CAND1: variants seen among roughly 807,000 people sequenced by gnomAD.
CAND1 encodes cullin-associated NEDD8-dissociated protein 1.
A neutral mutation model predicts 108.5 loss-of-function variants in CAND1; 7 were observed. That is an observed-to-expected ratio of 0.06 (90% confidence interval 0.04 to 0.12). The LOEUF (loss-of-function observed/expected upper bound fraction) is 0.12. Among genes scored for constraint, CAND1 ranks in the 10% least tolerant of loss-of-function variants. CAND1 has a pLI of 1.00. For synonymous variants in CAND1, 534 were observed against 512.0 expected (o/e 1.04, Z -0.58); for missense variants, 941 against 1,448.7 (o/e 0.65, Z 5.69).
Position 67,269,600 on chromosome 12 carries a change from C to T in CAND1, c.-118C>T. 7 of 829,818 alleles carry T rather than the reference C, an allele frequency of 8.4e-6. No individual in the cohort carries two copies. The South Asian group carries it at 9.8e-5, about 12-fold the overall frequency. 51.4% of individuals were successfully genotyped at this position (829,818 alleles called of 1,614,324 possible). A position where few individuals can be genotyped will look rare whatever the true frequency, so the allele number is the denominator to read the frequency against. ...AGTCAGCGTCGGCGTCGCGCTGCGA[C>T]CCTGGAAGCGGGAGCCGCCGCGAGC... On this transcript the variant is annotated 5_prime_UTR_variant, in exon 1 of 15. Transcript: ENST00000545606.
At chr12:67,297,318 T>G (rs749418936) in intron 4 of CAND1, 89 bp from the exon 5 acceptor site, 4 of 1,188,770 alleles carry the variant, frequency 3.4e-6, no homozygotes, top group Non-Finnish European at 1.2e-6. Context: ...TCTGAATATT[T>G]GCATTGAGGT....
chr12:67,309,657 C>T (rs1270483339), intron 11 of CAND1, among the ~76,000 whole-genome samples: 1 of 151,876 alleles, frequency 6.6e-6, no homozygotes, highest in Non-Finnish European at 1.5e-5. Context: ...ATACCCTCTG[C>T]ATTATAAGTG....
At position 67,318,847 on chromosome 12, in the gene CAND1, A is replaced by T. The variant is rs531077815; in HGVS notation, c.*6017A>T. On this transcript the variant is annotated 3_prime_UTR_variant, in exon 15 of 15. Coordinates refer to ENST00000545606, the MANE Select transcript of CAND1 (RefSeq NM_018448.5). Reference sequence around the variant, plus strand: ...TATACACGGGATACTGGGGGTTAATAATTGAGGGTATGGTCCATTCAACAT... The same window carrying T: ...TATACACGGGATACTGGGGGTTAATTATTGAGGGTATGGTCCATTCAACAT... 21 of 152,338 alleles carry T rather than the reference A, an allele frequency of 1.4e-4. No homozygotes were observed. The highest frequency in any genetic ancestry group is 2.2e-4 in the Non-Finnish European group (15 of 68,046). 9.4% of individuals were successfully genotyped at this position (152,338 alleles called of 1,614,324 possible).
Position 67,316,725 on chromosome 12 carries a change from A to G in CAND1, c.*3895A>G, listed in dbSNP as rs762672762. On this transcript the variant is annotated 3_prime_UTR_variant, in exon 15 of 15. Transcript: ENST00000545606. ...TTTGCTGAGGTCTTAGAAGACAGAA[A>G]GCTTATGCTATGTAAAGTGACATTG... 1 of 152,242 alleles carries G rather than the reference A, an allele frequency of 6.6e-6. No homozygotes were observed. Among genetic ancestry groups the G allele is most frequent in the African/African-American group, 2.4e-5 (1 of 41,464 alleles). The allele number at this position is 152,242 out of a possible 1,614,324, so 9.4% of individuals were successfully genotyped here. A position where few individuals can be genotyped will look rare whatever the true frequency, so the allele number is the denominator to read the frequency against.
At chr12:67,301,892 T>C (rs1426764858) in intron 7 of CAND1, among the ~76,000 whole-genome samples, 1 of 152,200 alleles carries the variant, frequency 6.6e-6, no homozygotes, top group Non-Finnish European at 1.5e-5. Context: ...ATCCATTTCA[T>C]GGTTTGTCTT....
In CAND1 at chr12:67,299,003, A is replaced by T; in HGVS notation, c.908A>T (p.Lys303Ile). Residue 303 changes from lysine (K) to isoleucine (I), a missense_variant, in exon 7 of 15, where the codon AAA becomes ATA. By Grantham distance (102) the Lys-to-Ile change is moderately radical (BLOSUM62 -3). Transcript: ENST00000545606. ...TCTACCATTATAAATATTTGTCTTA[A>T]ATATCTTACCTATGATCCAAATTAT... is the stretch of plus-strand genomic sequence containing the variant. ...HVSTIINICL[K>I]YLTYDPNYNY... 1 of 1,518,876 alleles carries T rather than the reference A, an allele frequency of 6.6e-7. No individual in the cohort carries two copies. The highest frequency in any genetic ancestry group is 9.1e-7 in the Non-Finnish European group (1 of 1,095,276). 94.1% of individuals were successfully genotyped at this position (1,518,876 alleles called of 1,614,324 possible).
rs2136027586 is a variant in CAND1, at chr12:67,316,079, A to G, written c.*3249A>G. ...AATTAAAGACCTTAAACATTTCAGC[A>G]AGTAAATTTTGGATTCTAGCTCTGT... On this transcript the variant is annotated 3_prime_UTR_variant, in exon 15 of 15. Coordinates refer to ENST00000545606, the MANE Select transcript of CAND1 (RefSeq NM_018448.5). 1 of 152,362 alleles carries G rather than the reference A, an allele frequency of 6.6e-6. No homozygotes were observed. The highest frequency in any genetic ancestry group is 1.5e-5 in the Non-Finnish European group (1 of 68,036). 9.4% of individuals were successfully genotyped at this position (152,362 alleles called of 1,614,324 possible). A position where few individuals can be genotyped will look rare whatever the true frequency, so the allele number is the denominator to read the frequency against.
chr12:67,319,380 T>G lies in CAND1; in HGVS notation c.*6550T>G, dbSNP rs1226783971. 2.0e-5 allele frequency: 3 copies of G among 152,236 alleles called. No homozygotes were observed. Among genetic ancestry groups the G allele is most frequent in the Non-Finnish European group, 4.4e-5 (3 of 68,048 alleles). 9.4% of individuals were successfully genotyped at this position (152,236 alleles called of 1,614,324 possible). ...AGTTATGCCTTTTGCCTGGAATGAC[T>G]TGACTTCTCTTTTGTTTTACTTAGC... On this transcript the variant is annotated 3_prime_UTR_variant, in exon 15 of 15. Transcript: ENST00000545606.
At chr12:67,301,841 A>G (rs902681747) in intron 7 of CAND1, among the ~76,000 whole-genome samples, 3 of 152,112 alleles carry the variant, frequency 2.0e-5, no homozygotes, top group Non-Finnish European at 4.4e-5. Flanking sequence ...GTGTTTTGGG[A>G]TTGGTAACCA....
In CAND1 at chr12:67,305,998, G is replaced by T. The variant is rs763189890; in HGVS notation, c.2330G>T (p.Arg777Leu). 1 of 1,614,078 alleles carries T rather than the reference G, an allele frequency of 6.2e-7. No homozygotes were observed. The highest frequency in any genetic ancestry group is 8.5e-7 in the Non-Finnish European group (1 of 1,179,988). ...AATTTAGGATACATGGATTTGTTGC[G>T]CATGCTGACTGGTCCAGTTTACTCT... ...TNNLGYMDLL[R>L]MLTGPVYSQS... The change falls in exon 10 of 15, where the codon CGC (arginine) becomes CTC (leucine). Residue 777 changes from arginine to leucine, a missense_variant. This residue lies in a region of CAND1 where 697 missense variants were observed against 942.0 expected (regional missense o/e 0.74). Transcript: ENST00000545606. This position sits in a 1 kb window ranked among gnomAD's most constrained non-coding sequence, Gnocchi z 4.4.
chr12:67,307,832 C>A (rs929143005), intron 11 of CAND1, among the ~76,000 whole-genome samples: 9 of 151,926 alleles, frequency 5.9e-5, no homozygotes, highest in African/African-American at 2.2e-4. Flanking sequence ...AAGTTTCTCC[C>A]TAGATTTAAA....
At chr12:67,270,121 T>C in intron 1 of CAND1, 1 of 264,130 alleles carries the variant, frequency 3.8e-6, no homozygotes, top group South Asian at 6.3e-5. Context: ...CCCACCATTG[T>C]GGAGAAGGGA....
chr12:67,306,897 A>G (rs2044892225), intron 10 of CAND1, among the ~76,000 whole-genome samples: 1 of 152,196 alleles, frequency 6.6e-6, no homozygotes, highest in Admixed American at 6.5e-5. Context: ...GAATTAACAT[A>G]ATCTGAAGAG....
chr12:67,282,219 T>C lies in CAND1; in HGVS notation c.212+166T>C, dbSNP rs796122332. 25 of 616,230 alleles carry C rather than the reference T, an allele frequency of 4.1e-5. No homozygotes were observed. In the African/African-American group the frequency reaches 4.7e-4, roughly 12 times the overall value. The allele number at this position is 616,230 out of a possible 1,614,324, so 38.2% of individuals were successfully genotyped here. A position where few individuals can be genotyped will look rare whatever the true frequency, so the allele number is the denominator to read the frequency against. On this transcript the variant is annotated intron_variant, in intron 2 of 14. Transcript: ENST00000545606. The stretch of plus-strand genomic sequence containing the variant: ...GTTTAGTGTTTGTATATGGTATATA[T>C]AGTGTATTTCCTTACAGCATATAAG...
At chr12:67,293,938 C>CT (rs2044744804) in intron 3 of CAND1, among the ~76,000 whole-genome samples, 1 of 152,016 alleles carries the variant, frequency 6.6e-6, no homozygotes, top group Admixed American at 6.5e-5. Context: ...AACTGAAATT[C>CT]AGAGAGATTA....
At chr12:67,308,010 C>A (rs1036223103) in intron 11 of CAND1, among the ~76,000 whole-genome samples, 1 of 151,954 alleles carries the variant, frequency 6.6e-6, no homozygotes, top group East Asian at 1.9e-4. Context: ...CCAAGAAAAA[C>A]TAGGGCTTCT....
chr12:67,282,175 G>T, intron 2 of CAND1, 122 bp downstream of exon 2: 1 of 958,532 alleles, frequency 1.0e-6, no homozygotes, highest in Non-Finnish European at 1.6e-6. Flanking sequence ...TGTGTGTGTA[G>T]AATTTTTAGG....
intron 2 of CAND1, among the ~76,000 whole-genome samples, chr12:67,284,965 G>A (rs1266014861): frequency 6.6e-6 from 1 of 152,142 alleles, no homozygotes; most frequent in African/African-American, 2.4e-5. Flanking sequence ...AAGTTTATGT[G>A]GGAGAAACAA....
chr12:67,301,323 C>CA (rs1255287866), intron 7 of CAND1, among the ~76,000 whole-genome samples: 1 of 152,064 alleles, frequency 6.6e-6, no homozygotes, highest in Non-Finnish European at 1.5e-5. Flanking sequence ...ATTTGACTGT[C>CA]AAACTAAGCT....
Sources: allele counts gnomAD v4.1 joint callset (sites outside exome capture counted in the v4.1 genomes callset), GRCh38; gene constraint gnomAD v4.1.1; regional missense constraint gnomAD v4.1.1; non-coding constraint Gnocchi (gnomAD v3.1); transcripts MANE v1.5; gene names NCBI Gene and HGNC (gene_info 2026-07-23, HGNC 2026-07-21).